Variants in STC1 observed in about 807,000 individuals in gnomAD.
The protein encoded by STC1 is stanniocalcin-1.
A neutral mutation model predicts 22.6 loss-of-function variants in STC1; 7 were observed. The ratio of observed to expected loss-of-function variants is 0.31; its 90% CI spans 0.18 to 0.58. The LOEUF (loss-of-function observed/expected upper bound fraction) is 0.58, where lower values mean the gene tolerates loss of function less well. Among genes scored for constraint, STC1 ranks in the 20% least tolerant of loss-of-function variants. The probability of loss-of-function intolerance (pLI) is 0.89; values close to 1 mark genes in which losing one functional copy is unlikely to be tolerated. For synonymous variants in STC1, 113 were observed against 120.7 expected (o/e 0.94, Z 0.42); for missense variants, 224 against 311.0 (o/e 0.72, Z 2.10).
At chr8:23,850,268 T>C (rs1802622367) in intron 3 of STC1, among the ~76,000 whole-genome samples, 1 of 152,222 alleles carries the variant, frequency 6.6e-6, no homozygotes, top group African/African-American at 2.4e-5. Context: ...GGCACCTGGC[T>C]AGGAAATTAA....
intron 1 of STC1, 162 bp downstream of exon 1, chr8:23,854,244 G>A (rs1802671790): frequency 5.4e-6 from 5 of 923,278 alleles, no homozygotes; most frequent in Non-Finnish European, 6.4e-6. Flanking sequence ...AAACAAAGGA[G>A]CTCCACTGCC....
rs1802679976 is a variant in STC1 at position 23,854,718 on chromosome 8, G to A, written c.-195C>T. 2 of 669,058 alleles carry A rather than the reference G, an allele frequency of 3.0e-6. No individual in the cohort carries two copies. The highest frequency in any genetic ancestry group is 2.8e-6 in the Non-Finnish European group (1 of 363,368). 41.4% of individuals were successfully genotyped at this position (669,058 alleles called of 1,614,324 possible). Reference sequence around the variant, plus strand: ...CACCGGTGCCTCCGCTGCTGCTGCTGCTGCCGCCGCTGCTGCTGCTGCTGC... The same window carrying A: ...CACCGGTGCCTCCGCTGCTGCTGCTACTGCCGCCGCTGCTGCTGCTGCTGC... On this transcript the variant is annotated 5_prime_UTR_variant, in exon 1 of 4. Transcript: ENST00000290271.
Position 23,854,552 on chromosome 8 carries a change from G to GTT in STC1, c.-30_-29insAA. On this transcript the variant is annotated 5_prime_UTR_variant, in exon 1 of 4. Coordinates refer to ENST00000290271, the MANE Select transcript of STC1 (RefSeq NM_003155.3). ...CTGAGAAGTTTCCGCTAAGTTGTTGGGTTTTTTTTTTTTCCTGCCCCCCTT... is the reference window on the plus strand; with the variant it reads ...CTGAGAAGTTTCCGCTAAGTTGTTGGTTGTTTTTTTTTTTTCCTGCCCCCCTT... 2 of 1,589,378 alleles carry GTT rather than the reference G, an allele frequency of 1.3e-6. No homozygotes were observed. The highest frequency in any genetic ancestry group is 1.7e-6 in the Non-Finnish European group (2 of 1,160,882).
Position 23,854,490 on chromosome 8 carries a change from C to T in STC1, c.34G>A (p.Val12Met), listed in dbSNP as rs1420271133. 5.0e-6 allele frequency: 8 copies of T among 1,614,122 alleles called. No homozygotes were observed. Among genetic ancestry groups the T allele is most frequent in the Non-Finnish European group, 6.8e-6 (8 of 1,180,038 alleles). ...TCATGGGTTGCAGAAGCACTGATCACCAGCACCAGAAGCACTGCTGAGTTT... is the reference window on the plus strand; with the variant it reads ...TCATGGGTTGCAGAAGCACTGATCATCAGCACCAGAAGCACTGCTGAGTTT... ...LQNSAVLLVL[V>M]ISASATHEAE... Residue 12 changes from valine (V) to methionine (M), a missense_variant, in exon 1 of 4, where the codon GTG becomes ATG. Val to Met is a conservative substitution (Grantham distance 21). Transcript: ENST00000290271.
chr8:23,849,357 A>C (rs1482104222), intron 3 of STC1, among the ~76,000 whole-genome samples: 1 of 152,186 alleles, frequency 6.6e-6, no homozygotes, highest in African/African-American at 2.4e-5. Context: ...GTTAAAGTGA[A>C]ATTTTTGGAG....
chr8:23,853,647 A>G (rs1443367563), intron 1 of STC1, among the ~76,000 whole-genome samples: 1 of 152,224 alleles, frequency 6.6e-6, no homozygotes, highest in Admixed American at 6.5e-5. Flanking sequence ...AGAGGTGTCA[A>G]TGCAGGCTTC....
intron 3 of STC1, among the ~76,000 whole-genome samples, chr8:23,846,751 A>G (rs909493973): frequency 6.6e-6 from 1 of 152,234 alleles, no homozygotes; most frequent in Non-Finnish European, 1.5e-5. Context: ...GCTGTGGTCA[A>G]AACTGGGACT....
intron 3 of STC1, among the ~76,000 whole-genome samples, chr8:23,848,066 T>C (rs529381415): frequency 8.5e-5 from 13 of 152,336 alleles, no homozygotes; most frequent in Admixed American, 7.2e-4. Flanking sequence ...GCCTTTATTC[T>C]TTAATCAGTA....
chr8:23,851,394 A>G lies in STC1; in HGVS notation c.399T>C (p.Asn133=), dbSNP rs1421754968. 1 of 1,614,048 alleles carries G rather than the reference A, an allele frequency of 6.2e-7. No individual in the cohort carries two copies. The highest frequency in any genetic ancestry group is 1.3e-5 in the African/African-American group (1 of 74,906). The part of the protein sequence containing the change: ...EVQEECYSKL[N]VCSIAKRNPE... The stretch of plus-strand genomic sequence containing the variant: ...GGTTCCGCTTGGCGATGCTGCACAC[A>G]TTCAGCTTGCTGTAGCACTCTTCCT... The change falls in exon 3 of 4, where the codon AAT becomes AAC. Residue 133 remains asparagine (N), a synonymous_variant. Coordinates refer to ENST00000290271, the MANE Select transcript of STC1 (RefSeq NM_003155.3).
intron 2 of STC1, 138 bp from the exon 3 acceptor site, chr8:23,851,669 G>T: frequency 1.5e-6 from 1 of 666,632 alleles, no homozygotes; most frequent in Non-Finnish European, 2.5e-6. Context: ...TGAGAAGATT[G>T]CATGTCTCGG....
chr8:23,851,870 T>C (rs183385), intron 2 of STC1, among the ~76,000 whole-genome samples: 47 of 152,274 alleles, frequency 3.1e-4, no homozygotes, highest in African/African-American at 8.7e-4. Context: ...AAAGCTAGTA[T>C]GCTAGGTCAT....
Position 23,842,617 on chromosome 8 carries a change from C to A in STC1, c.*2153G>T, listed in dbSNP as rs1370531891. Reference sequence around the variant, plus strand: ...GGCTTAGTTGGGTTTGCAAAATGGACACAACACACAAACTTTAATAGCTTT... The same window carrying A: ...GGCTTAGTTGGGTTTGCAAAATGGAAACAACACACAAACTTTAATAGCTTT... On this transcript the variant is annotated 3_prime_UTR_variant, in exon 4 of 4. Coordinates refer to ENST00000290271, the MANE Select transcript of STC1 (RefSeq NM_003155.3). The A allele has an allele frequency of 6.6e-6, 1 of 151,810 alleles. No homozygotes were observed. Among genetic ancestry groups the A allele is most frequent in the African/African-American group, 2.4e-5 (1 of 41,234 alleles). 9.4% of individuals were successfully genotyped at this position (151,810 alleles called of 1,614,324 possible).
chr8:23,848,529 C>CAAAAAAAA (rs796433655), intron 3 of STC1, among the ~76,000 whole-genome samples: 3 of 63,616 alleles, frequency 4.7e-5, no homozygotes, highest in Non-Finnish European at 9.1e-5. Context: ...GATACTCTGT[C>CAAAAAAAA]AAAAAAAAAA....
Position 23,853,328 on chromosome 8 carries a change from T to G in STC1, c.119-944A>C, listed in dbSNP as rs536134751. ...CTCCCACCACCCGCAGCCTCTAGGA[T>G]GTTACAAGTCATTTCCCTAATTATA... On this transcript the variant is annotated intron_variant, in intron 1 of 3. Coordinates refer to ENST00000290271, the MANE Select transcript of STC1 (RefSeq NM_003155.3). 8.4e-4 allele frequency among the ~76,000 whole-genome samples: 127 copies of G among 151,742 alleles called. 2 individuals are homozygous for G. Among genetic ancestry groups the G allele is most frequent in the Non-Finnish European group, 5.3e-4 (36 of 67,940 alleles).
chr8:23,854,072 A>AAT, intron 1 of STC1: 1 of 1,136,584 alleles, frequency 8.8e-7, no homozygotes, highest in Non-Finnish European at 1.1e-6. Flanking sequence ...GAAAGTATAG[A>AAT]GAGCGCTTTG....
At chr8:23,847,596 A>C (rs1414704110) in intron 3 of STC1, among the ~76,000 whole-genome samples, 2 of 152,240 alleles carry the variant, frequency 1.3e-5, no homozygotes, top group Non-Finnish European at 1.5e-5. Flanking sequence ...CCAGTTTCTC[A>C]GTATGAGCAA....
intron 1 of STC1, among the ~76,000 whole-genome samples, chr8:23,852,924 T>TA (rs1436752519): frequency 6.6e-6 from 1 of 152,154 alleles, no homozygotes; most frequent in African/African-American, 2.4e-5. Flanking sequence ...GCTTTTAACT[T>TA]ACCGTCATAT....
At chr8:23,852,536 T>C (rs1423915028) in intron 1 of STC1, 152 bp from the exon 2 acceptor site, 1 of 777,320 alleles carries the variant, frequency 1.3e-6, no homozygotes, top group East Asian at 2.8e-5. Flanking sequence ...CCCATTTGAT[T>C]GAGAAAGAGA....
Position 23,842,373 on chromosome 8 carries a change from A to T in STC1, c.*2397T>A, listed in dbSNP as rs760732734. The T allele has an allele frequency of 6.8e-6, 1 of 147,976 alleles. No homozygotes were observed. Among genetic ancestry groups the T allele is most frequent in the Non-Finnish European group, 1.5e-5 (1 of 67,540 alleles). 9.2% of individuals were successfully genotyped at this position (147,976 alleles called of 1,614,324 possible). A position where few individuals can be genotyped will look rare whatever the true frequency, so the allele number is the denominator to read the frequency against. ...GAAAGAGAAGCAAAAAACTAGCAAC[A>T]TTGTGAGAACTGCTTCTTTCTGTAT... On this transcript the variant is annotated 3_prime_UTR_variant, in exon 4 of 4. Transcript: ENST00000290271.
Sources: allele counts gnomAD v4.1 joint callset (sites outside exome capture counted in the v4.1 genomes callset), GRCh38; gene constraint gnomAD v4.1.1; transcripts MANE v1.5; gene names NCBI Gene and HGNC (gene_info 2026-07-23, HGNC 2026-07-21).